The following NLRP14 variants were observed in gnomAD, a reference collection of about 807,000 sequenced individuals.
NLRP14 encodes the protein NACHT, LRR and PYD domains-containing protein 14.
NLRP14 carries 105 observed loss-of-function variants against 94.7 expected under a neutral mutation model. The ratio of observed to expected loss-of-function variants is 1.11; its 90% CI spans 0.95 to 1.30. The LOEUF (loss-of-function observed/expected upper bound fraction) is 1.30. Among genes scored for constraint, NLRP14 ranks in the 50% most tolerant of loss-of-function variants. NLRP14 has a pLI of 0.00. For synonymous variants in NLRP14, 508 were observed against 459.9 expected, an observed-to-expected ratio of 1.10 and a Z score of -1.34; for missense variants, 1,362 against 1,254.1, an observed-to-expected ratio of 1.09 and a Z score of -1.30.
chr11:7,043,191 G>A lies in NLRP14; in HGVS notation c.1165G>A (p.Val389Ile). ...GCAGCAAATGGAGAAGGGTGGTGAT[G>A]TCACATTGACCTGCCAAACAACCAC... Reference protein sequence around the residue: ...LKQQMEKGGDVTLTCQTTTAL... With the variant: ...LKQQMEKGGDITLTCQTTTAL... Residue 389 changes from valine (V) to isoleucine (I), a missense_variant, in exon 4 of 12, where the codon GTC (valine) becomes ATC (isoleucine). Coordinates refer to ENST00000299481, the MANE Select transcript of NLRP14 (RefSeq NM_176822.4). 1 of 1,614,164 alleles carries A rather than the reference G, an allele frequency of 6.2e-7. No homozygotes were observed. The highest frequency in any genetic ancestry group is 8.5e-7 in the Non-Finnish European group (1 of 1,180,038).
chr11:7,043,068 T>G lies in NLRP14; in HGVS notation c.1042T>G (p.Trp348Gly), dbSNP rs201292362. 42 of 1,614,086 alleles carry G rather than the reference T, an allele frequency of 2.6e-5. No homozygotes were observed. In the East Asian group the frequency reaches 9.4e-4, roughly 36 times the overall value. Residue 348 changes from tryptophan (W) to glycine (G), a missense_variant, in exon 4 of 12, where the codon TGG becomes GGG. By Grantham distance (184) the Trp-to-Gly change is radical (BLOSUM62 -2). Transcript: ENST00000299481. ...TTACCAGTTTTTTGAAGATAAGAGG[T>G]GGGCCATGAAAGTATTCAGTTCACT... ...YIYQFFEDKRWAMKVFSSLKS... is the reference protein window; with the variant it reads ...YIYQFFEDKRGAMKVFSSLKS...
At chr11:7,021,374 A>C (rs1336768106) in intron 1 of NLRP14, among the ~76,000 whole-genome samples, 1 of 152,200 alleles carries the variant, frequency 6.6e-6, no homozygotes, top group Non-Finnish European at 1.5e-5. Flanking sequence ...CCCAGCGCCT[A>C]TCTGCTTGAG....
chr11:7,090,491 GA>G, the NLRP14 span: 5 of 742,272 alleles, frequency 6.7e-6, no homozygotes, highest in Non-Finnish European at 1.1e-5. Flanking sequence ...TTTAGTTTTG[GA>G]ATTGTTAACG....
chr11:7,038,288 A>G (rs1404851560), intron 1 of NLRP14, among the ~76,000 whole-genome samples: 4 of 152,172 alleles, frequency 2.6e-5, no homozygotes, highest in Non-Finnish European at 5.9e-5. Context: ...AGGTTCAAAG[A>G]GAGGAATTAC....
intron 10 of NLRP14, among the ~76,000 whole-genome samples, chr11:7,069,211 G>T (rs771165131): frequency 7.2e-5 from 11 of 152,060 alleles, no homozygotes; most frequent in Non-Finnish European, 1.3e-4. Flanking sequence ...TTCCCCTAAG[G>T]AAGATTTTGT....
the NLRP14 span, chr11:7,089,930 C>T: frequency 2.5e-6 from 4 of 1,612,798 alleles, no homozygotes; most frequent in African/African-American, 2.7e-5. Flanking sequence ...ACCGTGACTA[C>T]GGGGATCATC....
chr11:7,044,074 C>T, intron 4 of NLRP14, 90 bp downstream of exon 4: 1 of 1,257,592 alleles, frequency 8.0e-7, no homozygotes, highest in South Asian at 1.2e-5. Flanking sequence ...GCTGAGGTCC[C>T]AGAGCTGAGA....
At chr11:7,078,453 A>C in the NLRP14 span, among the ~76,000 whole-genome samples, 6 of 145,954 alleles carry the variant, frequency 4.1e-5, no homozygotes, top group African/African-American at 1.5e-4. Flanking sequence ...AAAAAAAAAA[A>C]AAAAAAAAAC....
At chr11:7,069,452 G>A (rs1487533652) in intron 10 of NLRP14, among the ~76,000 whole-genome samples, 1 of 152,156 alleles carries the variant, frequency 6.6e-6, no homozygotes, top group Admixed American at 6.5e-5. Context: ...ACTATTATCG[G>A]CTTGTGCAGA....
intron 1 of NLRP14, among the ~76,000 whole-genome samples, chr11:7,022,439 G>A (rs1851960834): frequency 2.6e-5 from 4 of 152,182 alleles, no homozygotes; most frequent in Admixed American, 2.6e-4. Flanking sequence ...TGGCTTGAAG[G>A]CATAGAATTT....
chr11:7,054,639 G>T lies in NLRP14; in HGVS notation c.2292-3038G>T, dbSNP rs540529651. 3.3e-5 allele frequency among the ~76,000 whole-genome samples: 5 copies of T among 152,020 alleles called. No homozygotes were observed. The East Asian group carries it at 9.6e-4, about 29-fold the overall frequency. ...TTCAGATCTCTTGCCCATTTTAATT[G>T]GATAATTAGATTTTTTTCCTGTAGT... On this transcript the variant is annotated intron_variant, in intron 6 of 11. Coordinates refer to ENST00000299481, the MANE Select transcript of NLRP14 (RefSeq NM_176822.4).
the NLRP14 span, among the ~76,000 whole-genome samples, chr11:7,080,252 G>C: frequency 6.6e-6 from 1 of 152,114 alleles, no homozygotes; most frequent in African/African-American, 2.4e-5. Context: ...CTAATTCCTG[G>C]TACTTAGTGT....
At chr11:7,073,953 T>G (rs887276128), downstream of NLRP14, among the ~76,000 whole-genome samples, 1 of 152,154 alleles carries the variant, frequency 6.6e-6, no homozygotes, top group Non-Finnish European at 1.5e-5. Flanking sequence ...CCTTGCTTCT[T>G]TGGAGGTCGG....
At chr11:7,066,979 TA>T (rs1852714985) in intron 10 of NLRP14, among the ~76,000 whole-genome samples, 1 of 152,116 alleles carries the variant, frequency 6.6e-6, no homozygotes, top group South Asian at 2.1e-4. Context: ...TATTGCTTGT[TA>T]CTGTCAGGTT....
intron 3 of NLRP14, among the ~76,000 whole-genome samples, chr11:7,040,454 C>A (rs1852232075): frequency 6.6e-6 from 1 of 152,128 alleles, no homozygotes; most frequent in South Asian, 2.1e-4. Flanking sequence ...GCAATTGAAT[C>A]ATCCTGAAAT....
In NLRP14 at chr11:7,042,848, AC is replaced by A; in HGVS notation, c.823del (p.Leu275CysfsTer15). 6.2e-7 allele frequency: 1 copy of A among 1,614,202 alleles called. No homozygotes were observed. The highest frequency in any genetic ancestry group is 1.1e-5 in the South Asian group (1 of 91,082). On this transcript the variant is annotated frameshift_variant, in exon 4 of 12. Transcript: ENST00000299481. LOFTEE classifies it high-confidence loss of function. ...NFAFEEPEFA[L>X]CEDWTQEHPV... ...TTGCCTTTGAAGAACCTGAGTTTGC[AC>A]TGTGCGAAGACTGGACCCAAGAACA... is the stretch of plus-strand genomic sequence containing the variant.
At chr11:7,055,809 CAGTAAGGACAACAAAAACATTT>C (rs1445707291) in intron 6 of NLRP14, among the ~76,000 whole-genome samples, 1 of 152,076 alleles carries the variant, frequency 6.6e-6, no homozygotes, top group Admixed American at 6.6e-5. Context: ...AGATAGCAAG[CAGTAAGGACAACAAAAACATTT>C]ATAACTTGCT....
chr11:7,089,741 G>A, the NLRP14 span: 1 of 1,549,872 alleles, frequency 6.5e-7, no homozygotes, highest in Admixed American at 1.9e-5. Context: ...ACCCCTACCT[G>A]GGCCCGCGGG....
rs910211380 is a variant in NLRP14, at chr11:7,038,631, G to A, written c.45G>A (p.Leu15=). 6.8e-6 allele frequency: 11 copies of A among 1,613,930 alleles called. No individual in the cohort carries two copies. The highest frequency in any genetic ancestry group is 3.3e-5 in the Admixed American group (2 of 59,988). ...SSSSFFPDFG[L]LLYLEELNKE... ...CTTCTTTCTTTCCTGATTTTGGGCT[G>A]CTATTGTATTTGGAGGAGCTAAACA... The change falls in exon 2 of 12, where the codon CTG becomes CTA. Residue 15 remains leucine (L), a synonymous_variant. Coordinates refer to ENST00000299481, the MANE Select transcript of NLRP14 (RefSeq NM_176822.4).
Sources: allele counts gnomAD v4.1 joint callset (sites outside exome capture counted in the v4.1 genomes callset), GRCh38; gene constraint gnomAD v4.1.1; transcripts MANE v1.5; gene names NCBI Gene and HGNC (gene_info 2026-07-23, HGNC 2026-07-21).